The following ASIC2 variants were observed in gnomAD, a reference collection of about 807,000 sequenced individuals.
ASIC2 encodes the protein acid sensing ion channel subunit 2.
Under a neutral mutation model 57.3 loss-of-function variants are expected in ASIC2, and 25 were observed. That is an observed-to-expected ratio of 0.44 (90% CI 0.32 to 0.61). ASIC2 has a LOEUF of 0.61. ASIC2 is among the 20% of genes least tolerant of loss of function. The pLI, the probability that ASIC2 is intolerant of heterozygous loss-of-function variation, is 0.06. For missense variants in ASIC2, 641 were observed against 738.1 expected, an observed-to-expected ratio of 0.87 and a Z score of 1.52; for synonymous variants, 319 against 307.5, an observed-to-expected ratio of 1.04 and a Z score of -0.39.
chr17:33,021,117 G>A (rs543776945), intron 7 of ASIC2, 102 bp downstream of exon 7: 3 of 797,354 alleles, frequency 3.8e-6, no homozygotes, highest in African/African-American at 1.7e-5. Flanking sequence ...AGACTCCTCC[G>A]AGGCTATGTG....
rs114328407 is a variant in ASIC2 at position 33,411,628 on chromosome 17, T to C, written c.556-299561A>G. 6.9e-3 allele frequency among the ~76,000 whole-genome samples: 1,049 copies of C among 152,270 alleles called. 9 individuals are homozygous for C. The highest frequency in any genetic ancestry group is 0.023 in the African/African-American group (959 of 41,562). On this transcript the variant is annotated intron_variant, in intron 1 of 9. Transcript: ENST00000359872. The stretch of plus-strand genomic sequence containing the variant: ...TGGGGGTACAGATAGCAGTTTGATA[T>C]TGTAGTTTTATTCCAATTCAGTGGT...
At chr17:33,531,901 C>T (rs940796029) in intron 1 of ASIC2, among the ~76,000 whole-genome samples, 3 of 152,232 alleles carry the variant, frequency 2.0e-5, no homozygotes, top group African/African-American at 7.2e-5. Flanking sequence ...GCCTCCCACT[C>T]GGTTTTCCAG....
chr17:33,259,277 G>A (rs545988559), intron 1 of ASIC2, among the ~76,000 whole-genome samples: 11 of 152,228 alleles, frequency 7.2e-5, no homozygotes, highest in African/African-American at 2.6e-4. Flanking sequence ...GGCCTCCATC[G>A]CTGGTGGCAT....
At chr17:33,877,325 C>G (rs950433656) in intron 1 of ASIC2, among the ~76,000 whole-genome samples, 1 of 152,208 alleles carries the variant, frequency 6.6e-6, no homozygotes, top group Admixed American at 6.5e-5. Flanking sequence ...CAAGGCATCG[C>G]CTCGCCCGGG....
intron 1 of ASIC2, among the ~76,000 whole-genome samples, chr17:33,589,310 T>G (rs779300511): frequency 6.6e-6 from 1 of 152,220 alleles, no homozygotes; most frequent in East Asian, 1.9e-4. Flanking sequence ...CAGAAGGCCA[T>G]GAGCCCCCTG....
chr17:34,137,662 G>C (rs1912161888), intron 1 of ASIC2, among the ~76,000 whole-genome samples: 2 of 152,076 alleles, frequency 1.3e-5, no homozygotes, highest in Admixed American at 1.3e-4. Flanking sequence ...CTATAAATTG[G>C]GTAGCTTACA....
chr17:33,768,432 C>T (rs549497447), intron 1 of ASIC2, among the ~76,000 whole-genome samples: 8 of 152,234 alleles, frequency 5.3e-5, no homozygotes, highest in Admixed American at 2.0e-4. Context: ...TTTATTTTTG[C>T]TTCTTTTCCT....
At chr17:34,053,555 G>A (rs1004202888) in intron 1 of ASIC2, among the ~76,000 whole-genome samples, 1 of 152,164 alleles carries the variant, frequency 6.6e-6, no homozygotes, top group Non-Finnish European at 1.5e-5. Context: ...TATACTATAT[G>A]CCACACTGTG....
chr17:33,572,869 C>T (rs112252090), intron 1 of ASIC2, among the ~76,000 whole-genome samples: 4,483 of 152,344 alleles, frequency 0.029, 213 homozygotes, highest in African/African-American at 0.099. Flanking sequence ...TCTCTGGGAA[C>T]ATTCCATTCT....
intron 1 of ASIC2, among the ~76,000 whole-genome samples, chr17:33,467,420 T>C (rs1031944016): frequency 1.4e-4 from 21 of 152,158 alleles, no homozygotes; most frequent in Admixed American, 1.4e-3. Context: ...TCTGAATGGA[T>C]CCCTCCTCTT....
chr17:33,123,638 T>C (rs935115819), intron 1 of ASIC2, among the ~76,000 whole-genome samples: 3 of 152,236 alleles, frequency 2.0e-5, no homozygotes, highest in African/African-American at 7.2e-5. Flanking sequence ...TTGGGCATTC[T>C]TGCAAAACTC....
chr17:33,033,336 A>G (rs114542603), intron 3 of ASIC2, among the ~76,000 whole-genome samples: 2,332 of 152,300 alleles, frequency 0.015, 44 homozygotes, highest in Middle Eastern at 0.065. Flanking sequence ...GGCAACAGGC[A>G]GGATCTGCCT....
intron 1 of ASIC2, among the ~76,000 whole-genome samples, chr17:33,262,161 T>G (rs986743836): frequency 6.6e-6 from 1 of 152,202 alleles, no homozygotes; most frequent in African/African-American, 2.4e-5. Flanking sequence ...TTCAAAAGAC[T>G]GCCCGGATGA....
chr17:33,799,427 C>CTTTCTTTCTTTCTTCT (rs11439080), intron 1 of ASIC2, among the ~76,000 whole-genome samples: 64 of 84,078 alleles, frequency 7.6e-4, no homozygotes, highest in African/African-American at 1.2e-3. Context: ...TTCTTTCTTT[C>CTTTCTTTCTTTCTTCT]TTCTTTCTTT....
intron 1 of ASIC2, among the ~76,000 whole-genome samples, chr17:33,369,184 G>A (rs574823467): frequency 2.0e-5 from 3 of 152,292 alleles, no homozygotes; most frequent in African/African-American, 7.2e-5. Flanking sequence ...ATTTCCAGGA[G>A]GGTCACCAAG....
intron 1 of ASIC2, among the ~76,000 whole-genome samples, chr17:33,680,086 G>C (rs922864765): frequency 6.6e-6 from 1 of 152,118 alleles, no homozygotes; most frequent in Non-Finnish European, 1.5e-5. Context: ...AGGGAGGCTG[G>C]TGGTGTACCC....
intron 1 of ASIC2, among the ~76,000 whole-genome samples, chr17:33,696,533 T>C (rs577232325): frequency 1.3e-4 from 20 of 152,310 alleles, no homozygotes; most frequent in African/African-American, 4.1e-4. Context: ...AGTAGAGTTA[T>C]AGAACACATG....
intron 1 of ASIC2, among the ~76,000 whole-genome samples, chr17:33,485,051 T>G (rs1913531957): frequency 2.0e-5 from 3 of 152,256 alleles, no homozygotes; most frequent in Admixed American, 1.3e-4. Flanking sequence ...CCTTCAATTC[T>G]TTCCTGGGTG....
At chr17:33,016,782 T>C (rs528747124) in intron 8 of ASIC2, among the ~76,000 whole-genome samples, 6 of 151,872 alleles carry the variant, frequency 4.0e-5, no homozygotes, top group Non-Finnish European at 5.9e-5. Context: ...TTTGGGGGAC[T>C]TCATAGGTCC....
Sources: gnomAD v4.1 joint callset for allele counts (sites outside exome capture counted in the v4.1 genomes callset) on GRCh38, gnomAD v4.1.1 for gene constraint, MANE v1.5 for transcripts, NCBI Gene and HGNC (gene_info 2026-07-23, HGNC 2026-07-21) for gene names.